The following SLC25A31 variants were observed in gnomAD, a reference collection of about 807,000 sequenced individuals.
SLC25A31 encodes ADP/ATP translocase 4.
SLC25A31 carries 40 observed loss-of-function variants against 36.2 expected under a neutral mutation model. The ratio of observed to expected loss-of-function variants is 1.10; its 90% CI spans 0.86 to 1.44. The LOEUF (loss-of-function observed/expected upper bound fraction) is 1.44. Among genes scored for constraint, SLC25A31 ranks in the 40% most tolerant of loss-of-function variants. The pLI is 0.00. For synonymous variants in SLC25A31, 143 were observed against 149.7 expected (o/e 0.96, Z 0.32); for missense variants, 350 against 397.1 (o/e 0.88, Z 1.01).
intron 3 of SLC25A31, among the ~76,000 whole-genome samples, chr4:127,764,760 T>C (rs1732208816): frequency 1.3e-5 from 2 of 152,296 alleles, no homozygotes; most frequent in East Asian, 1.9e-4. Flanking sequence ...TTTTTTGTTA[T>C]TACACCCTTG....
At chr4:127,760,984 AC>A (rs1192695117) in intron 2 of SLC25A31, among the ~76,000 whole-genome samples, 1 of 120,146 alleles carries the variant, frequency 8.3e-6, no homozygotes, top group African/African-American at 2.7e-5. Context: ...TTACTAACTT[AC>A]AACAACCAAA....
At chr4:127,766,989 C>A (rs938774968) in intron 3 of SLC25A31, 77 bp from the exon 4 acceptor site, 3 of 1,252,296 alleles carry the variant, frequency 2.4e-6, no homozygotes, top group South Asian at 2.3e-5. Flanking sequence ...TCATTTAGAT[C>A]TGTAAAGGTT....
chr4:127,753,312 G>T (rs78267181), intron 2 of SLC25A31, among the ~76,000 whole-genome samples: 2,865 of 150,832 alleles, frequency 0.019, 87 homozygotes, highest in African/African-American at 0.064. Flanking sequence ...AAACTCAGTT[G>T]AAGGAAGGAA....
chr4:127,770,817 A>G (rs965066638), intron 5 of SLC25A31, among the ~76,000 whole-genome samples: 1 of 152,016 alleles, frequency 6.6e-6, no homozygotes, highest in African/African-American at 2.4e-5. Flanking sequence ...ATTTTCTCAC[A>G]GTTCTGAAGG....
chr4:127,768,940 ATC>A, intron 5 of SLC25A31, 63 bp downstream of exon 5: 1 of 1,440,492 alleles, frequency 6.9e-7, no homozygotes, highest in Non-Finnish European at 9.3e-7. Context: ...TTTAGGTATA[ATC>A]AAATTTAAGA....
intron 1 of SLC25A31, among the ~76,000 whole-genome samples, chr4:127,735,361 A>G (rs1022295268): frequency 6.6e-6 from 1 of 152,228 alleles, no homozygotes; most frequent in Non-Finnish European, 1.5e-5. Context: ...CATCTTTTAA[A>G]TAAATGTTTA....
At chr4:127,735,080 A>G (rs1731598699) in intron 1 of SLC25A31, among the ~76,000 whole-genome samples, 1 of 152,350 alleles carries the variant, frequency 6.6e-6, no homozygotes, top group East Asian at 1.9e-4. Flanking sequence ...TGAAAACCAA[A>G]TCAAGGGTAA....
At chr4:127,754,217 G>A (rs1208260765) in intron 2 of SLC25A31, among the ~76,000 whole-genome samples, 2 of 152,018 alleles carry the variant, frequency 1.3e-5, no homozygotes, top group Non-Finnish European at 2.9e-5. Context: ...AAAGTTGAAA[G>A]CTTTTTCTCT....
At position 127,764,334 on chromosome 4, in the gene SLC25A31, C is replaced by T; in HGVS notation, c.452C>T (p.Thr151Ile). Residue 151 changes from threonine to isoleucine, a missense_variant, in exon 3 of 6, where the codon ACC (threonine) becomes ATC (isoleucine). Transcript: ENST00000281154. The part of the protein sequence containing the change: ...CVVYPLDFAR[T>I]RLGVDIGKGP... ...GTATATCCTCTAGATTTTGCCCGAA[C>T]CCGATTAGGTGTCGATATTGGAAAA... 6.2e-7 allele frequency: 1 copy of T among 1,613,710 alleles called. No homozygotes were observed. Among genetic ancestry groups the T allele is most frequent in the Non-Finnish European group, 8.5e-7 (1 of 1,179,766 alleles).
intron 5 of SLC25A31, 112 bp downstream of exon 5, chr4:127,768,989 C>T: frequency 2.1e-6 from 2 of 971,586 alleles, no homozygotes; most frequent in Non-Finnish European, 2.9e-6. Context: ...ATTTGTTTTA[C>T]TTAGCTAAAA....
Position 127,751,596 on chromosome 4 carries a change from T to C in SLC25A31, c.360+6797T>C, listed in dbSNP as rs1318424478. Among the ~76,000 whole-genome samples the C allele has an allele frequency of 2.0e-5, 3 of 152,252 alleles. No homozygotes were observed. The East Asian group carries it at 5.8e-4, about 29-fold the overall frequency. ...TGGGATCTAATTAAACTAAAGAGCT[T>C]CTGCACAGCAAAAGAAACTACCGTC... On this transcript the variant is annotated intron_variant, in intron 2 of 5. Coordinates refer to ENST00000281154, the MANE Select transcript of SLC25A31 (RefSeq NM_031291.4).
At chr4:127,734,853 C>G (rs1435244943) in intron 1 of SLC25A31, among the ~76,000 whole-genome samples, 2 of 151,646 alleles carry the variant, frequency 1.3e-5, no homozygotes, top group Non-Finnish European at 2.9e-5. Context: ...GGCATTGTCC[C>G]CTATGCTTGG....
At chr4:127,736,666 C>T (rs903465619) in intron 1 of SLC25A31, among the ~76,000 whole-genome samples, 1 of 152,176 alleles carries the variant, frequency 6.6e-6, no homozygotes, top group African/African-American at 2.4e-5. Context: ...CCTTTCTCAG[C>T]CCCAGTTCCC....
At chr4:127,756,700 G>A (rs1482079496) in intron 2 of SLC25A31, among the ~76,000 whole-genome samples, 1 of 152,058 alleles carries the variant, frequency 6.6e-6, no homozygotes, top group Non-Finnish European at 1.5e-5. Context: ...ACAATTATTT[G>A]TCAACTAAAA....
rs891725366 is a variant in SLC25A31 at position 127,730,429 on chromosome 4, G to A, written c.-117G>A. ...GCGCGCGGCTCTCTCAGCGTCCCAA[G>A]AGCCACTTTCTCGCCAGTACGATGC... On this transcript the variant is annotated 5_prime_UTR_variant, in exon 1 of 6. Transcript: ENST00000281154. 2.6e-6 allele frequency: 3 copies of A among 1,142,900 alleles called. No homozygotes were observed. Among genetic ancestry groups the A allele is most frequent in the Non-Finnish European group, 3.7e-6 (3 of 808,122 alleles). 70.8% of individuals were successfully genotyped at this position (1,142,900 alleles called of 1,614,324 possible).
At chr4:127,747,829 C>T (rs1043401494) in intron 2 of SLC25A31, among the ~76,000 whole-genome samples, 2 of 152,092 alleles carry the variant, frequency 1.3e-5, no homozygotes, top group Non-Finnish European at 2.9e-5. Flanking sequence ...ACTAGAAGGA[C>T]ATATAGAACT....
chr4:127,757,508 G>T (rs1174295687), intron 2 of SLC25A31, among the ~76,000 whole-genome samples: 1 of 152,134 alleles, frequency 6.6e-6, no homozygotes, highest in Non-Finnish European at 1.5e-5. Context: ...TGGTGTATAT[G>T]TACCACATTT....
chr4:127,740,508 T>C (rs1731712851), intron 1 of SLC25A31, among the ~76,000 whole-genome samples: 1 of 152,212 alleles, frequency 6.6e-6, no homozygotes, highest in Non-Finnish European at 1.5e-5. Flanking sequence ...CACAGCTACA[T>C]ATGTACTTGA....
chr4:127,758,438 T>C, intron 2 of SLC25A31, among the ~76,000 whole-genome samples: 1 of 152,248 alleles, frequency 6.6e-6, no homozygotes, highest in East Asian at 1.9e-4. Flanking sequence ...CTGCATATTG[T>C]CTGTTTCCTC....
Sources: gnomAD v4.1 joint callset for allele counts (sites outside exome capture counted in the v4.1 genomes callset) on GRCh38, gnomAD v4.1.1 for gene constraint, MANE v1.5 for transcripts, NCBI Gene and HGNC (gene_info 2026-07-23, HGNC 2026-07-21) for gene names.